HLA-DPB1: variants seen among roughly 807,000 people sequenced by gnomAD.
HLA-DPB1 encodes HLA class II histocompatibility antigen, DP beta 1 chain.
A neutral mutation model predicts 29.4 loss-of-function variants in HLA-DPB1; 30 were observed. The ratio of observed to expected loss-of-function variants is 1.02; its 90% CI spans 0.76 to 1.38. The LOEUF is 1.38. Among genes scored for constraint, HLA-DPB1 ranks in the 40% most tolerant of loss-of-function variants. The pLI is 0.00. For synonymous variants in HLA-DPB1, 114 were observed against 134.0 expected (o/e 0.85, Z 1.03); for missense variants, 261 against 327.5 (o/e 0.80, Z 1.57).
Position 33,080,384 on chromosome 6 carries a change from A to G in HLA-DPB1, c.101-288A>G. 1 of 627,012 alleles carries G rather than the reference A, an allele frequency of 1.6e-6. No individual in the cohort carries two copies. The highest frequency in any genetic ancestry group is 3.0e-6 in the Non-Finnish European group (1 of 330,050). 38.8% of individuals were successfully genotyped at this position (627,012 alleles called of 1,614,324 possible). ...AACGTCTCCGCCTCCTCCAGCCACCAGCAGAAGGGACTGCCTTCCCCTCAG... is the reference window on the plus strand; with the variant it reads ...AACGTCTCCGCCTCCTCCAGCCACCGGCAGAAGGGACTGCCTTCCCCTCAG... On this transcript the variant is annotated intron_variant, in intron 1 of 5. Coordinates refer to ENST00000418931, the MANE Select transcript of HLA-DPB1 (RefSeq NM_002121.6). The surrounding 1 kb of genome is among the most constrained non-coding windows in gnomAD (Gnocchi z 4.3).
At chr6:33,076,229 A>T (rs1261726999) in intron 1 of HLA-DPB1, 88 bp downstream of exon 1, 2 of 887,392 alleles carry the variant, frequency 2.3e-6, no homozygotes, top group Non-Finnish European at 3.6e-6. Flanking sequence ...ATTCTGAGAC[A>T]GGCTGCGGGG....
At chr6:33,083,584 T>G (rs1583124669) in intron 2 of HLA-DPB1, 1 of 153,108 alleles carries the variant, frequency 6.5e-6, no homozygotes, top group East Asian at 1.9e-4. Flanking sequence ...TCCTCCTGCC[T>G]CAGCCTCCCA....
At chr6:33,079,867 C>A in intron 1 of HLA-DPB1, 1 of 318,452 alleles carries the variant, frequency 3.1e-6, no homozygotes, top group Non-Finnish European at 6.1e-6. Context: ...GTAGAAAGTT[C>A]ATGTCCACGT....
rs1273324211 is a variant in HLA-DPB1, at chr6:33,084,951, C to T, written c.366C>T (p.Val122=). The T allele has an allele frequency of 3.2e-6, 5 of 1,563,788 alleles. No individual in the cohort carries two copies. Among genetic ancestry groups the T allele is most frequent in the Non-Finnish European group, 3.5e-6 (4 of 1,139,144 alleles). Residue 122 remains valine, a splice_region_variant and synonymous_variant, in exon 3 of 6, where the codon GTC becomes GTT. Coordinates refer to ENST00000418931, the MANE Select transcript of HLA-DPB1 (RefSeq NM_002121.6). The stretch of plus-strand genomic sequence containing the variant: ...ATTATTTTTCTTCCACGCTCCTAGT[C>T]CAGCCTAGGGTGAATGTTTCCCCCT... The part of the protein sequence containing the change: ...LGGPMTLQRR[V]QPRVNVSPSK...
chr6:33,079,524 CA>C (rs1762725243), intron 1 of HLA-DPB1: 1 of 369,252 alleles, frequency 2.7e-6, no homozygotes, highest in Non-Finnish European at 5.2e-6. Flanking sequence ...AGGCACCAAT[CA>C]GACTGAAATG....
chr6:33,088,353 C>T lies in HLA-DPB1; in HGVS notation c.*1819C>T, dbSNP rs1763205467. On this transcript the variant is annotated 3_prime_UTR_variant, in exon 6 of 6. Transcript: ENST00000418931. ...TCATGTTACAGGTTAGGGCAGTACC[C>T]CGAGTGGAGTGAACAATCTCTGGAC... 6.7e-6 allele frequency among the ~76,000 whole-genome samples: 1 copy of T among 149,420 alleles called. No individual in the cohort carries two copies. The highest frequency in any genetic ancestry group is 1.5e-5 in the Non-Finnish European group (1 of 67,310).
rs1762781830 is a variant in HLA-DPB1 at position 33,080,543 on chromosome 6, A to G, written c.101-129A>G. On this transcript the variant is annotated intron_variant, in intron 1 of 5. Transcript: ENST00000418931. This position sits in a 1 kb window ranked among gnomAD's most constrained non-coding sequence, Gnocchi z 4.3. ...TAGGACCACAGAACTCGGTACTAGG[A>G]AAACTCCTATTTTAAAATCCAGCCC... 3 of 1,388,832 alleles carry G rather than the reference A, an allele frequency of 2.2e-6. No individual in the cohort carries two copies. In the East Asian group the frequency reaches 7.3e-5, roughly 34 times the overall value. The allele number at this position is 1,388,832 out of a possible 1,614,324, so 86.0% of individuals were successfully genotyped here. A position where few individuals can be genotyped will look rare whatever the true frequency, so the allele number is the denominator to read the frequency against.
At chr6:33,079,471 C>T in intron 1 of HLA-DPB1, 1 of 298,454 alleles carries the variant, frequency 3.4e-6, no homozygotes, top group Non-Finnish European at 6.6e-6. Flanking sequence ...TCAGACTCCT[C>T]ATGAAGGATA....
At position 33,080,661 on chromosome 6, in the gene HLA-DPB1, C is replaced by T; in HGVS notation, c.101-11C>T. ...GTGGCGCCTCCGCTCATGTCCGCCC[C>T]CTCCCCGCAGAGAATTACCTTTTCC... On this transcript the variant is annotated splice_polypyrimidine_tract_variant and intron_variant, in intron 1 of 5. Transcript: ENST00000418931. The surrounding 1 kb of genome is among the most constrained non-coding windows in gnomAD (Gnocchi z 4.3). 6.2e-7 allele frequency: 1 copy of T among 1,612,384 alleles called. No individual in the cohort carries two copies. Among genetic ancestry groups the T allele is most frequent in the Non-Finnish European group, 8.5e-7 (1 of 1,179,310 alleles).
In HLA-DPB1 at chr6:33,086,817, T is replaced by C. The variant is rs1043734780; in HGVS notation, c.*283T>C. On this transcript the variant is annotated 3_prime_UTR_variant, in exon 6 of 6. Coordinates refer to ENST00000418931, the MANE Select transcript of HLA-DPB1 (RefSeq NM_002121.6). ...AAAATATGCACCAAATCATCTCTCATCACTTTTCTCTGAGGGTTTTAGTAG... is the reference window on the plus strand; with the variant it reads ...AAAATATGCACCAAATCATCTCTCACCACTTTTCTCTGAGGGTTTTAGTAG... 9.0e-6 allele frequency: 3 copies of C among 332,528 alleles called. No homozygotes were observed. Among genetic ancestry groups the C allele is most frequent in the Non-Finnish European group, 1.8e-5 (3 of 166,270 alleles). The allele number at this position is 332,528 out of a possible 1,614,324, so 20.6% of individuals were successfully genotyped here.
intron 4 of HLA-DPB1, 36 bp downstream of exon 4, chr6:33,085,925 C>A (rs1209475950): frequency 1.5e-6 from 2 of 1,359,290 alleles, no homozygotes; most frequent in Non-Finnish European, 2.1e-6. Context: ...GACTTACCTT[C>A]CCCTGGCATA....
chr6:33,088,189 G>C lies in HLA-DPB1; in HGVS notation c.*1655G>C, dbSNP rs951453653. On this transcript the variant is annotated 3_prime_UTR_variant, in exon 6 of 6. Transcript: ENST00000418931. ...AAGGAGGTCATGAGAATAGCAGAAA[G>C]TCTTCAAATCGAGATCATTATGAAA... is the stretch of plus-strand genomic sequence containing the variant. Among the ~76,000 whole-genome samples, 1 of 152,188 alleles carries C rather than the reference G, an allele frequency of 6.6e-6. No individual in the cohort carries two copies.
rs1175979424 is a variant in HLA-DPB1 at position 33,088,056 on chromosome 6, T to C, written c.*1522T>C. Among the ~76,000 whole-genome samples the C allele has an allele frequency of 7.7e-6, 1 of 129,410 alleles. No homozygotes were observed. Among genetic ancestry groups the C allele is most frequent in the Non-Finnish European group, 1.6e-5 (1 of 62,576 alleles). The allele number at this position is 129,410 out of a possible 152,430, so 84.9% of individuals were successfully genotyped here. A position where few individuals can be genotyped will look rare whatever the true frequency, so the allele number is the denominator to read the frequency against. On this transcript the variant is annotated 3_prime_UTR_variant, in exon 6 of 6. Transcript: ENST00000418931. Reference sequence around the variant, plus strand: ...GCTAAGGAAGACAGTATATAGTAAATAAGGACCCTTTATCTGTCTTATTTT... The same window carrying C: ...GCTAAGGAAGACAGTATATAGTAAACAAGGACCCTTTATCTGTCTTATTTT...
intron 1 of HLA-DPB1, among the ~76,000 whole-genome samples, chr6:33,077,932 A>C (rs1185836443): frequency 1.3e-5 from 2 of 152,188 alleles, no homozygotes. Flanking sequence ...TAGTCACAGA[A>C]GGGTGCTGAG....
chr6:33,078,117 C>T (rs1026777412), intron 1 of HLA-DPB1, among the ~76,000 whole-genome samples: 6 of 151,818 alleles, frequency 4.0e-5, no homozygotes, highest in Non-Finnish European at 2.9e-5. Context: ...TTGGGAGCCA[C>T]CAAGGAAACC....
At chr6:33,081,199 T>TA in intron 2 of HLA-DPB1, 1 of 488,060 alleles carries the variant, frequency 2.0e-6, no homozygotes, top group Non-Finnish European at 3.5e-6. Flanking sequence ...GCATGTGGGG[T>TA]GAAAAAAGGA....
chr6:33,081,723 C>T (rs1456888940), intron 2 of HLA-DPB1, among the ~76,000 whole-genome samples: 1 of 152,112 alleles, frequency 6.6e-6, no homozygotes, highest in Admixed American at 6.5e-5. Flanking sequence ...GTGGCGCATC[C>T]TCCTCGGGGC....
rs1762781530 is a variant in HLA-DPB1, at chr6:33,080,541, G to T, written c.101-131G>T. The stretch of plus-strand genomic sequence containing the variant: ...CTTAGGACCACAGAACTCGGTACTA[G>T]GAAAACTCCTATTTTAAAATCCAGC... On this transcript the variant is annotated intron_variant, in intron 1 of 5. Coordinates refer to ENST00000418931, the MANE Select transcript of HLA-DPB1 (RefSeq NM_002121.6). This position sits in a 1 kb window ranked among gnomAD's most constrained non-coding sequence, Gnocchi z 4.3. 1 of 1,371,038 alleles carries T rather than the reference G, an allele frequency of 7.3e-7. No individual in the cohort carries two copies. 84.9% of individuals were successfully genotyped at this position (1,371,038 alleles called of 1,614,324 possible).
chr6:33,085,809 C>T lies in HLA-DPB1; in HGVS notation c.677C>T (p.Thr226Ile). 1.2e-6 allele frequency: 2 copies of T among 1,614,070 alleles called. No individual in the cohort carries two copies. Among genetic ancestry groups the T allele is most frequent in the Non-Finnish European group, 1.7e-6 (2 of 1,179,974 alleles). Reference sequence around the variant, plus strand: ...CAGTCTGATTCTGCCCGGAGTAAGACATTGACGGGAGCTGGGGGCTTCGTG... The same window carrying T: ...CAGTCTGATTCTGCCCGGAGTAAGATATTGACGGGAGCTGGGGGCTTCGTG... ...KAQSDSARSK[T>I]LTGAGGFVLG... Residue 226 changes from threonine (T) to isoleucine (I), a missense_variant, in exon 4 of 6, where the codon ACA (threonine) becomes ATA (isoleucine). Coordinates refer to ENST00000418931, the MANE Select transcript of HLA-DPB1 (RefSeq NM_002121.6).
Sources: gnomAD v4.1 joint callset for allele counts (sites outside exome capture counted in the v4.1 genomes callset) on GRCh38, gnomAD v4.1.1 for gene constraint, Gnocchi (gnomAD v3.1) non-coding constraint, MANE v1.5 for transcripts, NCBI Gene and HGNC (gene_info 2026-07-23, HGNC 2026-07-21) for gene names.